Variants in TENM4 observed in about 807,000 individuals in gnomAD.
The protein encoded by TENM4 is teneurin transmembrane protein 4.
Under a neutral mutation model 243.3 loss-of-function variants are expected in TENM4, and 82 were observed. That is an observed-to-expected ratio of 0.34 (90% confidence interval 0.28 to 0.40). TENM4 has a LOEUF of 0.40. Among genes scored for constraint, TENM4 ranks in the 10% least tolerant of loss-of-function variants. The pLI, the probability that TENM4 is intolerant of heterozygous loss-of-function variation, is 1.00. For synonymous variants in TENM4, 1,412 were observed against 1,456.3 expected (o/e 0.97, Z 0.69); for missense variants, 3,138 against 3,673.3 (o/e 0.85, Z 3.77).
At chr11:79,040,846 C>T (rs1859504873) in intron 6 of TENM4, among the ~76,000 whole-genome samples, 1 of 152,114 alleles carries the variant, frequency 6.6e-6, no homozygotes, top group Non-Finnish European at 1.5e-5. Flanking sequence ...TAAGAAGCAC[C>T]TGGGAAGTTT....
At chr11:78,947,913 T>C (rs2136479866) in intron 6 of TENM4, among the ~76,000 whole-genome samples, 1 of 152,262 alleles carries the variant, frequency 6.6e-6, no homozygotes, top group South Asian at 2.1e-4. Flanking sequence ...GGGTTCTGTA[T>C]TCCAAGAGGC....
chr11:78,821,288 C>A (rs1857725184), intron 12 of TENM4, among the ~76,000 whole-genome samples: 1 of 152,174 alleles, frequency 6.6e-6, no homozygotes, highest in Non-Finnish European at 1.5e-5. Flanking sequence ...TTCAACACAG[C>A]CATTATGTCT....
chr11:78,677,290 C>T (rs1418757908), intron 29 of TENM4, among the ~76,000 whole-genome samples: 1 of 142,826 alleles, frequency 7.0e-6, no homozygotes, highest in Non-Finnish European at 1.5e-5. Context: ...TGTTCTGTTG[C>T]CCAGGCTGTA....
At chr11:79,106,715 C>T (rs1182844176) in intron 4 of TENM4, among the ~76,000 whole-genome samples, 1 of 152,330 alleles carries the variant, frequency 6.6e-6, no homozygotes, top group East Asian at 1.9e-4. Flanking sequence ...GGAATGGCAA[C>T]TTGTCCAAGA....
At chr11:79,156,839 A>G (rs966359079) in intron 3 of TENM4, among the ~76,000 whole-genome samples, 1 of 152,234 alleles carries the variant, frequency 6.6e-6, no homozygotes, top group South Asian at 2.1e-4. Context: ...AGGAAGCACA[A>G]GGATCAAATA....
At chr11:79,420,846 G>A (rs1275037631) in intron 1 of TENM4, among the ~76,000 whole-genome samples, 1 of 152,204 alleles carries the variant, frequency 6.6e-6, no homozygotes, top group African/African-American at 2.4e-5. Flanking sequence ...TCCAGAGTCA[G>A]ATAAACCCAG....
At chr11:79,135,037 A>T (rs1862080424) in intron 4 of TENM4, among the ~76,000 whole-genome samples, 1 of 152,170 alleles carries the variant, frequency 6.6e-6, no homozygotes, top group East Asian at 1.9e-4. Flanking sequence ...CAAAAGGAAC[A>T]GTCAGCAGAG....
At chr11:79,301,026 C>T (rs1856541900) in intron 1 of TENM4, among the ~76,000 whole-genome samples, 1 of 152,136 alleles carries the variant, frequency 6.6e-6, no homozygotes, top group Non-Finnish European at 1.5e-5. Context: ...CCTTTCCCTC[C>T]CTCTCCATCT....
At chr11:79,256,497 A>AG (rs1169408633) in intron 2 of TENM4, among the ~76,000 whole-genome samples, 1 of 152,258 alleles carries the variant, frequency 6.6e-6, no homozygotes, top group Non-Finnish European at 1.5e-5. Context: ...CCAGTGCCAA[A>AG]GCTTGGAGAT....
intron 3 of TENM4, among the ~76,000 whole-genome samples, chr11:79,189,036 CCTTT>C (rs1199266336): frequency 1.3e-5 from 2 of 152,092 alleles, no homozygotes; most frequent in African/African-American, 4.8e-5. Flanking sequence ...AGGTGGGATG[CCTTT>C]CTTGTTGAAT....
rs75289001 is a variant in TENM4, at chr11:79,431,410, T to A, written c.-321+9099A>T. Among the ~76,000 whole-genome samples, 396 of 152,316 alleles carry A rather than the reference T, an allele frequency of 2.6e-3. 1 individual carries two copies. Among genetic ancestry groups the A allele is most frequent in the African/African-American group, 9.0e-3 (375 of 41,572 alleles). The stretch of plus-strand genomic sequence containing the variant: ...TATAAATAACACTGCAATGAACATT[T>A]TTATTCTTAAATTTTCTCTGCCCAT... On this transcript the variant is annotated intron_variant, in intron 1 of 33. Coordinates refer to ENST00000278550, the MANE Select transcript of TENM4 (RefSeq NM_001098816.3).
rs143813342 is a variant in TENM4 at position 78,805,744 on chromosome 11, C to T, written c.1979-252G>A. 3.1e-3 allele frequency among the ~76,000 whole-genome samples: 466 copies of T among 152,302 alleles called. 3 individuals carry two copies. Among genetic ancestry groups the T allele is most frequent in the African/African-American group, 0.011 (444 of 41,556 alleles). ...AAATGTGTCTCAAGCATCAGCATAG[C>T]ACTTCATGTCTACTAGATTCTGTTT... On this transcript the variant is annotated intron_variant, in intron 14 of 33. Transcript: ENST00000278550.
In TENM4 at chr11:79,064,469, GCACA is replaced by G; in HGVS notation, c.493+265_493+268del. On this transcript the variant is annotated intron_variant, in intron 6 of 33. Coordinates refer to ENST00000278550, the MANE Select transcript of TENM4 (RefSeq NM_001098816.3). The stretch of plus-strand genomic sequence containing the variant: ...TGCCCCATGCCCTCTCTGCTCCCCT[GCACA>G]CAGGCACCTTATGAGCAATGACCCA... 4 of 458,680 alleles carry G rather than the reference GCACA, an allele frequency of 8.7e-6. No homozygotes were observed. In the South Asian group the frequency reaches 9.0e-5, roughly 10 times the overall value. 28.4% of individuals were successfully genotyped at this position (458,680 alleles called of 1,614,324 possible).
intron 2 of TENM4, among the ~76,000 whole-genome samples, chr11:79,281,388 A>G (rs1856154212): frequency 6.6e-6 from 1 of 152,236 alleles, no homozygotes; most frequent in Admixed American, 6.5e-5. Context: ...TCTTATTTTC[A>G]TAAGAGATGG....
At chr11:79,356,629 A>G (rs12279388) in intron 1 of TENM4, among the ~76,000 whole-genome samples, 22,720 of 152,162 alleles carry the variant, frequency 0.15, 1,743 homozygotes, top group Non-Finnish European at 0.17. Context: ...GGTCATTCAG[A>G]GGATCAAGAA....
intron 28 of TENM4, among the ~76,000 whole-genome samples, chr11:78,689,626 C>T (rs1032618591): frequency 2.0e-5 from 3 of 152,122 alleles, no homozygotes. Context: ...TGCTGGGATT[C>T]CTGGGTCTGC....
intron 1 of TENM4, chr11:79,402,083 T>A (rs1274646751): frequency 2.4e-6 from 1 of 425,004 alleles, no homozygotes; most frequent in African/African-American, 2.0e-5. Flanking sequence ...TACCCCCAGC[T>A]AGATTGTAAG....
At chr11:78,806,381 T>C (rs1446662115) in intron 14 of TENM4, among the ~76,000 whole-genome samples, 1 of 152,196 alleles carries the variant, frequency 6.6e-6, no homozygotes, top group Admixed American at 6.5e-5. Context: ...TTTGCACAGC[T>C]TCTCCTCATG....
intron 6 of TENM4, among the ~76,000 whole-genome samples, chr11:78,964,385 TG>T (rs1454066665): frequency 1.3e-5 from 2 of 152,216 alleles, no homozygotes; most frequent in Non-Finnish European, 2.9e-5. Flanking sequence ...CTTAACTTTA[TG>T]TGACAACATT....
Sources: gnomAD v4.1 joint callset for allele counts (sites outside exome capture counted in the v4.1 genomes callset) on GRCh38, gnomAD v4.1.1 for gene constraint, MANE v1.5 for transcripts, NCBI Gene and HGNC (gene_info 2026-07-23, HGNC 2026-07-21) for gene names.